The following FNIP2 variants were observed in gnomAD, a reference collection of about 807,000 sequenced individuals.
FNIP2 encodes the protein folliculin-interacting protein 2.
In FNIP2, 32 loss-of-function variants were observed where a neutral mutation model predicts 108.7. The ratio of observed to expected loss-of-function variants is 0.29; its 90% CI spans 0.22 to 0.40. FNIP2 has a LOEUF of 0.40. Ranked by LOEUF, FNIP2 falls within the 10% of genes least tolerant of loss-of-function variation. The pLI is 1.00. For synonymous variants in FNIP2, 480 were observed against 496.7 expected (o/e 0.97, Z 0.45); for missense variants, 1,202 against 1,381.6 (o/e 0.87, Z 2.06).
intron 3 of FNIP2, among the ~76,000 whole-genome samples, chr4:158,830,230 G>T (rs1306975859): frequency 6.6e-6 from 1 of 151,656 alleles, no homozygotes; most frequent in Non-Finnish European, 1.5e-5. Flanking sequence ...GCTGAGCAGG[G>T]CTGATAGATT....
At chr4:158,874,792 A>G (rs1260335096) in intron 14 of FNIP2, among the ~76,000 whole-genome samples, 2 of 152,078 alleles carry the variant, frequency 1.3e-5, no homozygotes, top group Non-Finnish European at 2.9e-5. Context: ...AGAAAGCTAT[A>G]TATGGGCCAG....
At chr4:158,816,626 T>C (rs1393793238) in intron 1 of FNIP2, among the ~76,000 whole-genome samples, 2 of 151,650 alleles carry the variant, frequency 1.3e-5, no homozygotes, top group Non-Finnish European at 2.9e-5. Context: ...CTACTAAAAA[T>C]ACAAAAAAAT....
At chr4:158,812,223 T>A (rs886482015) in intron 1 of FNIP2, among the ~76,000 whole-genome samples, 1 of 152,192 alleles carries the variant, frequency 6.6e-6, no homozygotes, top group Non-Finnish European at 1.5e-5. Context: ...AGGCAGTAAC[T>A]AATGTCTTAC....
At chr4:158,858,914 G>A in intron 8 of FNIP2, 143 bp from the exon 9 acceptor site, 3 of 670,106 alleles carry the variant, frequency 4.5e-6, no homozygotes, top group Admixed American at 2.9e-5. Flanking sequence ...TCATGCCAGG[G>A]AATTATAGAA....
At chr4:158,820,886 C>T (rs896776344) in intron 1 of FNIP2, among the ~76,000 whole-genome samples, 3 of 152,192 alleles carry the variant, frequency 2.0e-5, no homozygotes, top group African/African-American at 7.2e-5. Flanking sequence ...TGCAGAGACC[C>T]TGTTTCCAAG....
At chr4:158,839,016 A>T (rs540569732) in intron 7 of FNIP2, among the ~76,000 whole-genome samples, 1 of 152,218 alleles carries the variant, frequency 6.6e-6, no homozygotes, top group Non-Finnish European at 1.5e-5. Context: ...GTCACATCCT[A>T]TAAGGGTATA....
chr4:158,892,219 C>A (rs1782323436), intron 15 of FNIP2, among the ~76,000 whole-genome samples: 1 of 148,342 alleles, frequency 6.7e-6, no homozygotes, highest in African/African-American at 2.5e-5. Context: ...CTCACTGCAA[C>A]CTCCGCCTCC....
intron 1 of FNIP2, among the ~76,000 whole-genome samples, chr4:158,814,172 C>T (rs1216078250): frequency 6.6e-6 from 1 of 152,182 alleles, no homozygotes; most frequent in Non-Finnish European, 1.5e-5. Flanking sequence ...CTCAGAAGGA[C>T]ATGCAGAGGA....
At chr4:158,806,554 T>TTATTGGTGGATGTGC (rs1241638413) in intron 1 of FNIP2, 2 of 537,326 alleles carry the variant, frequency 3.7e-6, no homozygotes, top group African/African-American at 2.0e-5. Flanking sequence ...AGAAATGGGG[T>TTATTGGTGGATGTGC]TATTGGTGGA....
intron 15 of FNIP2, among the ~76,000 whole-genome samples, chr4:158,892,946 A>G (rs1241529978): frequency 2.1e-5 from 3 of 141,886 alleles, no homozygotes; most frequent in Non-Finnish European, 4.9e-5. Context: ...TTCCTCAAAA[A>G]GAGTCTAGAC....
chr4:158,883,653 A>G (rs947246931), intron 14 of FNIP2, among the ~76,000 whole-genome samples: 1 of 152,064 alleles, frequency 6.6e-6, no homozygotes, highest in Non-Finnish European at 1.5e-5. Flanking sequence ...AAGTCTTCAC[A>G]CTCCTGCTCT....
At chr4:158,852,413 C>A (rs1467911555) in intron 8 of FNIP2, among the ~76,000 whole-genome samples, 3 of 152,208 alleles carry the variant, frequency 2.0e-5, no homozygotes, top group Admixed American at 2.0e-4. Context: ...TGTCACCCAT[C>A]AAGAAGCTGC....
At chr4:158,829,261 G>C (rs1461382027) in intron 3 of FNIP2, 36 bp downstream of exon 3, 5 of 1,531,332 alleles carry the variant, frequency 3.3e-6, no homozygotes, top group Admixed American at 4.0e-5. Context: ...AGCCCCTGAG[G>C]TTAAAGTTAT....
At chr4:158,892,956 C>A (rs1458352064) in intron 15 of FNIP2, among the ~76,000 whole-genome samples, 2 of 152,144 alleles carry the variant, frequency 1.3e-5, no homozygotes, top group Non-Finnish European at 2.9e-5. Context: ...AGAGTCTAGA[C>A]TTTTATGACT....
intron 14 of FNIP2, among the ~76,000 whole-genome samples, chr4:158,887,766 G>T (rs1257451153): frequency 7.0e-6 from 1 of 143,188 alleles, no homozygotes; most frequent in Non-Finnish European, 1.5e-5. Flanking sequence ...AACCCAAGAG[G>T]AATGTTAAAT....
At chr4:158,871,500 C>T in intron 14 of FNIP2, 2 of 985,164 alleles carry the variant, frequency 2.0e-6, no homozygotes, top group Non-Finnish European at 1.2e-6. Context: ...ACAGGCTAAA[C>T]AGGCTAAGTA....
At chr4:158,876,174 C>T (rs141220232) in intron 14 of FNIP2, among the ~76,000 whole-genome samples, 142 of 152,318 alleles carry the variant, frequency 9.3e-4, no homozygotes, top group Admixed American at 3.2e-3. Context: ...GTGATTCTCT[C>T]GCCTTCTCAA....
At chr4:158,789,640 C>T (rs76295808) in intron 1 of FNIP2, among the ~76,000 whole-genome samples, 19 of 152,328 alleles carry the variant, frequency 1.2e-4, no homozygotes, top group East Asian at 7.7e-4. Context: ...AATAAGATAA[C>T]ACCCTGCCCT....
intron 8 of FNIP2, 130 bp downstream of exon 8, chr4:158,851,580 C>A: frequency 1.8e-6 from 2 of 1,138,892 alleles, no homozygotes; most frequent in South Asian, 1.6e-5. Context: ...TTCAGCTGAG[C>A]CTGAAAGTTT....
Sources: allele counts gnomAD v4.1 joint callset (sites outside exome capture counted in the v4.1 genomes callset), GRCh38; gene constraint gnomAD v4.1.1; transcripts MANE v1.5; gene names NCBI Gene and HGNC (gene_info 2026-07-23, HGNC 2026-07-21).